The following USP34 variants were observed in gnomAD, a reference collection of about 807,000 sequenced individuals.
The protein encoded by USP34 is ubiquitin carboxyl-terminal hydrolase 34.
In USP34, 70 loss-of-function variants were observed where a neutral mutation model predicts 460.3. The observed-to-expected ratio is 0.15, with a 90% confidence interval of 0.13 to 0.19. USP34 has a LOEUF of 0.19. USP34 is among the 10% of genes least tolerant of loss of function. The probability of loss-of-function intolerance (pLI) is 1.00; values close to 1 mark genes in which losing one functional copy is unlikely to be tolerated. For synonymous variants in USP34, 1,647 were observed against 1,405.3 expected (o/e 1.17, Z -3.85); for missense variants, 3,985 against 4,236.2 (o/e 0.94, Z 1.65).
At chr2:61,218,887 T>G (rs1687478671) in intron 67 of USP34, among the ~76,000 whole-genome samples, 1 of 152,188 alleles carries the variant, frequency 6.6e-6, no homozygotes, top group African/African-American at 2.4e-5. Context: ...AATTAACCTT[T>G]ATCACCCGGC....
In USP34 at chr2:61,464,900, C is replaced by A. The variant is rs536467723; in HGVS notation, c.43+5750G>T. On this transcript the variant is annotated intron_variant, in intron 1 of 79. Transcript: ENST00000398571. ...CTAGAAATGCTTTGGCCTTTGTAAACTGGTTCACAAAAGTAACTACAAAAG... is the reference window on the plus strand; with the variant it reads ...CTAGAAATGCTTTGGCCTTTGTAAAATGGTTCACAAAAGTAACTACAAAAG... Among the ~76,000 whole-genome samples the A allele has an allele frequency of 4.6e-5, 7 of 152,092 alleles. No individual in the cohort carries two copies. In the South Asian group the frequency reaches 1.5e-3, roughly 32 times the overall value.
intron 27 of USP34, among the ~76,000 whole-genome samples, chr2:61,306,498 T>TA (rs2103657597): frequency 6.6e-6 from 1 of 152,314 alleles, no homozygotes; most frequent in East Asian, 1.9e-4. Flanking sequence ...TGAAGTCAGG[T>TA]AGCATGATGC....
chr2:61,418,981 A>C (rs1474616690), intron 2 of USP34, among the ~76,000 whole-genome samples: 1 of 152,084 alleles, frequency 6.6e-6, no homozygotes, highest in Non-Finnish European at 1.5e-5. Context: ...TTTAATTAAA[A>C]TATGTGTTTA....
At chr2:61,405,253 A>G (rs1223449263) in intron 3 of USP34, among the ~76,000 whole-genome samples, 1 of 145,804 alleles carries the variant, frequency 6.9e-6, no homozygotes, top group East Asian at 2.1e-4. Context: ...AAAAAAAAAA[A>G]AAAAGAAAGA....
chr2:61,240,736 G>C (rs1325221121), intron 53 of USP34, among the ~76,000 whole-genome samples: 1 of 151,842 alleles, frequency 6.6e-6, no homozygotes, highest in African/African-American at 2.4e-5. Flanking sequence ...AATACACCCA[G>C]CTAATCTTTG....
Position 61,374,490 on chromosome 2 carries a change from A to T in USP34, c.1076+3873T>A, listed in dbSNP as rs376636554. On this transcript the variant is annotated intron_variant, in intron 8 of 79. Coordinates refer to ENST00000398571, the MANE Select transcript of USP34 (RefSeq NM_014709.4). ...ATGCACATAGCAGTGAAAGATTAGA[A>T]TTTTCCAATATGCACATTCCCACCT... Among the ~76,000 whole-genome samples the T allele has an allele frequency of 5.0e-4, 76 of 152,256 alleles. 1 individual carries two copies. The South Asian group carries it at 0.014, about 29-fold the overall frequency.
chr2:61,445,209 A>T (rs1237868142), intron 1 of USP34, among the ~76,000 whole-genome samples: 3 of 139,178 alleles, frequency 2.2e-5, no homozygotes, highest in African/African-American at 8.1e-5. Flanking sequence ...AACTGTCAAC[A>T]GCAGAACCAC....
At chr2:61,448,642 T>A (rs540622820) in intron 1 of USP34, among the ~76,000 whole-genome samples, 38 of 152,176 alleles carry the variant, frequency 2.5e-4, no homozygotes, top group African/African-American at 8.9e-4. Flanking sequence ...ACTGTTTCCA[T>A]CCATAGATGA....
chr2:61,415,264 T>TG (rs1418317954), intron 2 of USP34, among the ~76,000 whole-genome samples: 1 of 151,462 alleles, frequency 6.6e-6, no homozygotes, highest in African/African-American at 2.4e-5. Flanking sequence ...TGACCAGGGG[T>TG]GGGGGGATAA....
chr2:61,447,226 G>A (rs560937150), intron 1 of USP34, among the ~76,000 whole-genome samples: 3 of 115,522 alleles, frequency 2.6e-5, no homozygotes, highest in African/African-American at 1.0e-4. Flanking sequence ...CTGCACTCCA[G>A]CCTGGGCAAC....
intron 53 of USP34, among the ~76,000 whole-genome samples, chr2:61,239,459 T>C (rs1688182563): frequency 6.6e-6 from 1 of 152,174 alleles, no homozygotes; most frequent in Non-Finnish European, 1.5e-5. Context: ...CATTAAACAC[T>C]GTTGGGTACT....
intron 8 of USP34, among the ~76,000 whole-genome samples, chr2:61,373,211 C>CTA (rs955983833): frequency 1.6e-4 from 24 of 151,244 alleles, no homozygotes; most frequent in South Asian, 4.2e-4. Context: ...ACACTAGAAT[C>CTA]TATATATATA....
chr2:61,257,383 A>G, intron 44 of USP34, 33 bp from the exon 45 acceptor site: 1 of 1,525,736 alleles, frequency 6.6e-7, no homozygotes, highest in Non-Finnish European at 8.8e-7. Context: ...TCTAAGTGTC[A>G]GATAAAAATA....
chr2:61,193,050 G>A lies in USP34; in HGVS notation c.9509-70C>T, dbSNP rs928318043. The A allele has an allele frequency of 1.5e-5, 18 of 1,229,712 alleles. No individual in the cohort carries two copies. The African/African-American group carries it at 2.6e-4, about 18-fold the overall frequency. The allele number at this position is 1,229,712 out of a possible 1,614,324, so 76.2% of individuals were successfully genotyped here. A position where few individuals can be genotyped will look rare whatever the true frequency, so the allele number is the denominator to read the frequency against. On this transcript the variant is annotated intron_variant, in intron 75 of 79. Transcript: ENST00000398571. ...TACTAGTGAGATACTCAACTCTGCA[G>A]GTACAATATTACAGCTATTTCTAGT...
At chr2:61,397,817 T>C (rs1400691035) in intron 3 of USP34, among the ~76,000 whole-genome samples, 1 of 151,976 alleles carries the variant, frequency 6.6e-6, no homozygotes, top group African/African-American at 2.4e-5. Flanking sequence ...TAGAACTGCC[T>C]GAACCCAGGA....
intron 34 of USP34, 101 bp downstream of exon 34, chr2:61,288,576 A>T: frequency 4.0e-6 from 5 of 1,238,418 alleles, no homozygotes; most frequent in Non-Finnish European, 5.8e-6. Context: ...TGTCAGGTTA[A>T]GTCACAGTAA....
chr2:61,334,038 A>G (rs1185470006), intron 18 of USP34, 67 bp from the exon 19 acceptor site: 1 of 1,148,736 alleles, frequency 8.7e-7, no homozygotes, highest in Admixed American at 2.7e-5. Context: ...AGCCATTTAA[A>G]ATTTTAAATG....
At position 61,300,946 on chromosome 2, in the gene USP34, G is replaced by A. The variant is rs749226787; in HGVS notation, c.4128+5C>T. On this transcript the variant is annotated splice_donor_5th_base_variant and intron_variant, in intron 29 of 79. Coordinates refer to ENST00000398571, the MANE Select transcript of USP34 (RefSeq NM_014709.4). Reference sequence around the variant, plus strand: ...ACAAGATTTGTGAAAATGAAACATAGTCACCTCACTATCATCCACTGCCAC... The same window carrying A: ...ACAAGATTTGTGAAAATGAAACATAATCACCTCACTATCATCCACTGCCAC... The A allele has an allele frequency of 6.3e-7, 1 of 1,589,274 alleles. No homozygotes were observed. The highest frequency in any genetic ancestry group is 2.2e-5 in the East Asian group (1 of 44,650).
intron 62 of USP34, among the ~76,000 whole-genome samples, chr2:61,224,825 T>C (rs1051383979): frequency 2.0e-5 from 3 of 152,254 alleles, no homozygotes; most frequent in Non-Finnish European, 4.4e-5. Flanking sequence ...GTTCAATCTA[T>C]GACCAGTAGA....
Sources: allele counts gnomAD v4.1 joint callset (sites outside exome capture counted in the v4.1 genomes callset), GRCh38; gene constraint gnomAD v4.1.1; transcripts MANE v1.5; gene names NCBI Gene and HGNC (gene_info 2026-07-23, HGNC 2026-07-21).